The following ARL13B variants were observed in gnomAD, a reference collection of about 807,000 sequenced individuals.
ARL13B encodes the protein ADP-ribosylation factor-like protein 13B.
ARL13B carries 36 observed loss-of-function variants against 56.1 expected under a neutral mutation model. That is an observed-to-expected ratio of 0.64 (90% CI 0.49 to 0.85). The LOEUF is 0.85. Ranked by LOEUF, ARL13B falls within the 40% of genes least tolerant of loss-of-function variation. The pLI is 0.00. For missense variants in ARL13B, 519 were observed against 507.1 expected (o/e 1.02, Z -0.23); for synonymous variants, 178 against 171.1 (o/e 1.04, Z -0.32).
At chr3:94,049,576 G>T (rs76052585) in intron 8 of ARL13B, 54 bp downstream of exon 8, 6 of 800,078 alleles carry the variant, frequency 7.5e-6, no homozygotes, top group Middle Eastern at 2.6e-4. Flanking sequence ...AAACAACAGA[G>T]AAAAAAAAAA....
At chr3:93,988,750 T>C in intron 1 of ARL13B, 1 of 445,202 alleles carries the variant, frequency 2.2e-6, no homozygotes. Flanking sequence ...CACTTTGGCC[T>C]GTTTTCCCTA....
At position 94,014,785 on chromosome 3, in the gene ARL13B, C is replaced by A. The variant is rs754526314; in HGVS notation, c.380+10877C>A. The A allele has an allele frequency of 1.5e-5, 25 of 1,613,822 alleles. 1 individual carries two copies. Among genetic ancestry groups the A allele is most frequent in the Non-Finnish European group, 1.9e-5 (23 of 1,179,966 alleles). ...AAGCTGACGTAAAATAAATGTCTTG[C>A]ACTTCTCTTGCTTTGCTGCTATTGT... On this transcript the variant is annotated intron_variant, in intron 3 of 9. Transcript: ENST00000394222.
chr3:94,000,039 C>T (rs951975574), intron 2 of ARL13B, among the ~76,000 whole-genome samples: 1 of 152,168 alleles, frequency 6.6e-6, no homozygotes, highest in Non-Finnish European at 1.5e-5. Context: ...GGAGGCCATC[C>T]TCCTTTTCTT....
In ARL13B at chr3:94,053,763, C is replaced by A. The variant is rs1576067630; in HGVS notation, c.*500C>A. On this transcript the variant is annotated 3_prime_UTR_variant, in exon 10 of 10. Transcript: ENST00000394222. The stretch of plus-strand genomic sequence containing the variant: ...TAATTACTGTGATATTGATTATACA[C>A]CTTTTTTATAGATGATTTGTTTAAA... 3.4e-5 allele frequency: 10 copies of A among 297,582 alleles called. No homozygotes were observed. Among genetic ancestry groups the A allele is most frequent in the Non-Finnish European group, 5.8e-5 (9 of 153,928 alleles). 18.4% of individuals were successfully genotyped at this position (297,582 alleles called of 1,614,324 possible).
rs377590923 is a variant in ARL13B, at chr3:94,039,980, A to G, written c.790A>G (p.Ile264Val). Residue 264 changes from isoleucine (I) to valine (V), a missense_variant, in exon 6 of 10, where the codon ATC becomes GTC. By Grantham distance (29) the Ile-to-Val change is conservative. Coordinates refer to ENST00000394222, the MANE Select transcript of ARL13B (RefSeq NM_001174150.2). ...TNPFQPIASV[I>V]IENEGKLERE... The stretch of plus-strand genomic sequence containing the variant: ...TCCTTTCCAGCCAATAGCATCTGTA[A>G]TCATTGAGGTATGAATGATGGCAAA... 14 of 1,613,646 alleles carry G rather than the reference A, an allele frequency of 8.7e-6. No homozygotes were observed. Among genetic ancestry groups the G allele is most frequent in the African/African-American group, 1.3e-5 (1 of 74,918 alleles).
chr3:94,055,592 G>A lies in ARL13B; in HGVS notation c.*2329G>A, dbSNP rs2077130636. The A allele has an allele frequency of 4.4e-6, 2 of 453,722 alleles. No individual in the cohort carries two copies. The highest frequency in any genetic ancestry group is 4.0e-5 in the African/African-American group (2 of 49,960). 28.1% of individuals were successfully genotyped at this position (453,722 alleles called of 1,614,324 possible). A position where few individuals can be genotyped will look rare whatever the true frequency, so the allele number is the denominator to read the frequency against. On this transcript the variant is annotated 3_prime_UTR_variant, in exon 10 of 10. Coordinates refer to ENST00000394222, the MANE Select transcript of ARL13B (RefSeq NM_001174150.2). ...ATGTATTTAAAAGAGGCTCTTGTGT[G>A]CCTTTATGTGTAAAATGCATATTAC...
chr3:94,042,044 G>A (rs1234642836), intron 6 of ARL13B, among the ~76,000 whole-genome samples: 2 of 152,080 alleles, frequency 1.3e-5, no homozygotes, highest in Admixed American at 6.6e-5. Flanking sequence ...GCGACAGAGC[G>A]AGACTCCATC....
intron 3 of ARL13B, among the ~76,000 whole-genome samples, chr3:94,016,517 T>C (rs1362161487): frequency 6.6e-6 from 1 of 152,096 alleles, no homozygotes; most frequent in East Asian, 1.9e-4. Context: ...AACAAAAATA[T>C]ATTTAACAGG....
At chr3:93,996,069 C>A (rs2075960896) in intron 2 of ARL13B, 125 bp downstream of exon 2, 1 of 979,460 alleles carries the variant, frequency 1.0e-6, no homozygotes. Flanking sequence ...ACTTTATATT[C>A]TTAGTATATT....
At position 94,055,354 on chromosome 3, in the gene ARL13B, TATG is replaced by T. The variant is rs1245907462; in HGVS notation, c.*2094_*2096del. 1 of 439,488 alleles carries T rather than the reference TATG, an allele frequency of 2.3e-6. No homozygotes were observed. Among genetic ancestry groups the T allele is most frequent in the South Asian group, 1.6e-5 (1 of 61,302 alleles). The allele number at this position is 439,488 out of a possible 1,614,324, so 27.2% of individuals were successfully genotyped here. On this transcript the variant is annotated 3_prime_UTR_variant, in exon 10 of 10. Coordinates refer to ENST00000394222, the MANE Select transcript of ARL13B (RefSeq NM_001174150.2). ...AATAAAATAGGTAAAGATTTTAAAATATGATTATTGAAAAACAGTTTAAATCAG... is the reference window on the plus strand; with the variant it reads ...AATAAAATAGGTAAAGATTTTAAAATATTATTGAAAAACAGTTTAAATCAG...
rs1364145698 is a variant in ARL13B, at chr3:94,043,093, A to G, written c.877A>G (p.Met293Val). ...DSDGCHLKHK[M>V]EHEQIETQGQ... Reference sequence around the variant, plus strand: ...TGATGGCTGCCACCTGAAACATAAAATGGAGCATGAGCAAATAGAGACACA... The same window carrying G: ...TGATGGCTGCCACCTGAAACATAAAGTGGAGCATGAGCAAATAGAGACACA... The change falls in exon 7 of 10, where the codon ATG (methionine) becomes GTG (valine). Residue 293 changes from methionine to valine, a missense_variant. By Grantham distance (21) the Met-to-Val change is conservative. Transcript: ENST00000394222. 6.2e-7 allele frequency: 1 copy of G among 1,613,702 alleles called. No individual in the cohort carries two copies. The highest frequency in any genetic ancestry group is 1.1e-5 in the South Asian group (1 of 90,946).
At chr3:94,023,650 A>C (rs2076495991) in intron 3 of ARL13B, among the ~76,000 whole-genome samples, 1 of 152,162 alleles carries the variant, frequency 6.6e-6, no homozygotes, top group Non-Finnish European at 1.5e-5. Flanking sequence ...AAGGCCACAC[A>C]ACTAAAAGGT....
chr3:94,012,507 G>A (rs1190753850), intron 3 of ARL13B, among the ~76,000 whole-genome samples: 1 of 152,088 alleles, frequency 6.6e-6, no homozygotes, highest in Non-Finnish European at 1.5e-5. Flanking sequence ...TAAGAGAATG[G>A]TTAAGAGCTG....
At chr3:94,034,468 C>T (rs531524626) in intron 3 of ARL13B, among the ~76,000 whole-genome samples, 1 of 150,886 alleles carries the variant, frequency 6.6e-6, no homozygotes, top group South Asian at 2.1e-4. Context: ...ATTGGTTTTC[C>T]ATTTTGTTGG....
intron 5 of ARL13B, among the ~76,000 whole-genome samples, chr3:94,038,786 G>T (rs1481461423): frequency 1.3e-5 from 2 of 151,988 alleles, no homozygotes; most frequent in Non-Finnish European, 2.9e-5. Flanking sequence ...CTCCCAAAAT[G>T]CTGGGATTAC....
At chr3:94,042,017 A>G (rs2076871877) in intron 6 of ARL13B, among the ~76,000 whole-genome samples, 1 of 152,220 alleles carries the variant, frequency 6.6e-6, no homozygotes, top group Admixed American at 6.5e-5. Context: ...AGATCGTGCC[A>G]CTGCACTCCA....
rs954874993 is a variant in ARL13B, at chr3:94,015,354, A to G, written c.380+11446A>G. On this transcript the variant is annotated intron_variant, in intron 3 of 9. Coordinates refer to ENST00000394222, the MANE Select transcript of ARL13B (RefSeq NM_001174150.2). The stretch of plus-strand genomic sequence containing the variant: ...TTTCCCCAGTAGCAGTTGACTTCAC[A>G]TAACTGTCTATATCCCAGCAAAAGT... 4.3e-6 allele frequency: 5 copies of G among 1,164,050 alleles called. No homozygotes were observed. In the South Asian group the frequency reaches 5.1e-5, roughly 12 times the overall value. 72.1% of individuals were successfully genotyped at this position (1,164,050 alleles called of 1,614,324 possible).
chr3:94,014,546 C>A (rs867987463), intron 3 of ARL13B: 7 of 1,612,828 alleles, frequency 4.3e-6, no homozygotes, highest in African/African-American at 1.3e-5. Context: ...TCTCCTTGTT[C>A]CTCTACTAAA....
chr3:94,032,878 A>G (rs1220229574), intron 3 of ARL13B, among the ~76,000 whole-genome samples: 1 of 152,220 alleles, frequency 6.6e-6, no homozygotes, highest in Non-Finnish European at 1.5e-5. Context: ...TCCAAAGGAA[A>G]AGAAATCATT....
Sources: gnomAD v4.1 joint callset for allele counts (sites outside exome capture counted in the v4.1 genomes callset) on GRCh38, gnomAD v4.1.1 for gene constraint, MANE v1.5 for transcripts, NCBI Gene and HGNC (gene_info 2026-07-23, HGNC 2026-07-21) for gene names.